Variants in DLEC1 observed in about 807,000 individuals in gnomAD.
DLEC1 encodes the protein deleted in lung and esophageal cancer protein 1.
A neutral mutation model predicts 198.1 loss-of-function variants in DLEC1; 146 were observed. That is an observed-to-expected ratio of 0.74 (90% CI 0.64 to 0.85). The LOEUF (loss-of-function observed/expected upper bound fraction) is 0.85, where lower values mean the gene tolerates loss of function less well. Among genes scored for constraint, DLEC1 ranks in the 40% least tolerant of loss-of-function variants. The pLI is 0.00. For synonymous variants in DLEC1, 897 were observed against 866.8 expected (o/e 1.03, Z -0.61); for missense variants, 2,233 against 2,220.0 (o/e 1.01, Z -0.12).
At chr3:38,068,031 G>A (rs142214440) in intron 6 of DLEC1, among the ~76,000 whole-genome samples, 39 of 152,298 alleles carry the variant, frequency 2.6e-4, no homozygotes, top group African/African-American at 9.1e-4. Flanking sequence ...TGGGATTACA[G>A]GCGTGAGCCA....
intron 12 of DLEC1, 59 bp from the exon 13 acceptor site, chr3:38,094,820 G>GT: frequency 6.3e-7 from 1 of 1,580,250 alleles, no homozygotes; most frequent in Non-Finnish European, 8.6e-7. Flanking sequence ...GAGGCATGGG[G>GT]TGGAGGGACC....
chr3:38,120,327 G>A (rs1274445873), intron 33 of DLEC1, 121 bp from the exon 34 acceptor site: 1 of 1,104,824 alleles, frequency 9.1e-7, no homozygotes, highest in Non-Finnish European at 1.4e-6. Context: ...AGGTTGGGGA[G>A]CTGCTGGGCT....
chr3:38,069,258 C>G (rs376260170), intron 6 of DLEC1, among the ~76,000 whole-genome samples: 4 of 152,198 alleles, frequency 2.6e-5, no homozygotes, highest in African/African-American at 9.6e-5. Context: ...AAACTTTCCA[C>G]AAAAAGAAAC....
chr3:38,084,586 G>A (rs1030608195), intron 7 of DLEC1, among the ~76,000 whole-genome samples: 1 of 4,576 alleles, frequency 2.2e-4, no homozygotes, highest in African/African-American at 1.4e-3. Flanking sequence ...GTGGGGGGGT[G>A]GTAGTAGTAG....
intron 34 of DLEC1, among the ~76,000 whole-genome samples, chr3:38,121,317 TG>T (rs1700447372): frequency 1.3e-5 from 2 of 152,156 alleles, no homozygotes; most frequent in Non-Finnish European, 2.9e-5. Context: ...GGCTGGGCCT[TG>T]GGGGCCACCA....
intron 10 of DLEC1, among the ~76,000 whole-genome samples, chr3:38,089,374 T>A (rs144678673): frequency 3.2e-4 from 49 of 152,350 alleles, no homozygotes; most frequent in African/African-American, 1.1e-3. Context: ...CCACAGCGAC[T>A]CTGCCATGCT....
chr3:38,101,443 T>A (rs1272113997), intron 19 of DLEC1, among the ~76,000 whole-genome samples: 1 of 152,154 alleles, frequency 6.6e-6, no homozygotes, highest in Non-Finnish European at 1.5e-5. Context: ...TGGCTGGTGA[T>A]AATATTTTGT....
In DLEC1 at chr3:38,059,811, A is replaced by T. The variant is rs756845387; in HGVS notation, c.632A>T (p.Asp211Val). The part of the protein sequence containing the change: ...LRKHHLISPE[D>V]YYTDTVPFHS... ...AAACATCATTTGATCTCCCCAGAAGATTACTACACCGATACAGTGCCGTTT... is the reference window on the plus strand; with the variant it reads ...AAACATCATTTGATCTCCCCAGAAGTTTACTACACCGATACAGTGCCGTTT... The change falls in exon 3 of 37, where the codon GAT becomes GTT. Residue 211 changes from aspartate (D) to valine (V), a missense_variant. Coordinates refer to ENST00000308059, the MANE Select transcript of DLEC1 (RefSeq NM_007335.4). 1.2e-6 allele frequency: 2 copies of T among 1,614,150 alleles called. No homozygotes were observed. The highest frequency in any genetic ancestry group is 1.7e-6 in the Non-Finnish European group (2 of 1,180,026).
chr3:38,048,124 A>G (rs992142515), intron 2 of DLEC1, among the ~76,000 whole-genome samples: 23 of 152,138 alleles, frequency 1.5e-4, no homozygotes, highest in African/African-American at 5.6e-4. Context: ...TTTCCAGTTG[A>G]CTGCTGATTC....
chr3:38,117,640 C>A, intron 32 of DLEC1, 29 bp downstream of exon 32: 4 of 1,613,770 alleles, frequency 2.5e-6, no homozygotes, highest in Non-Finnish European at 3.4e-6. Context: ...TCTGGCCCTG[C>A]CAGCTTACCT....
Position 38,112,053 on chromosome 3 carries a change from T to C in DLEC1, c.3515-157T>C, listed in dbSNP as rs1200705391. ...CGCAGGACCCTGAGTAGCTTGCCTC[T>C]GGATTCCAGGCTCCCAGGAGGAGGG... On this transcript the variant is annotated intron_variant, in intron 24 of 36. Transcript: ENST00000308059. The surrounding 1 kb of genome is among the most constrained non-coding windows in gnomAD (Gnocchi z 4.8). 6.6e-6 allele frequency among the ~76,000 whole-genome samples: 1 copy of C among 152,138 alleles called. No individual in the cohort carries two copies. Among genetic ancestry groups the C allele is most frequent in the Non-Finnish European group, 1.5e-5 (1 of 68,008 alleles).
In DLEC1 at chr3:38,122,289, G is replaced by A. The variant is rs769367612; in HGVS notation, c.5145G>A (p.Arg1715=). The change falls in exon 37 of 37, where the codon AGG becomes AGA. Residue 1715 remains arginine (R), a splice_region_variant and synonymous_variant. Transcript: ENST00000308059. ...SIALQVFFTA[R]SSELYESTMV... The stretch of plus-strand genomic sequence containing the variant: ...CTCAGCCCCCACATGCTCCCCACAG[G>A]AGTAGTGAGCTGTACGAGTCCACGA... 1.9e-6 allele frequency: 3 copies of A among 1,611,594 alleles called. No homozygotes were observed. The highest frequency in any genetic ancestry group is 4.5e-5 in the East Asian group (2 of 44,826).
In DLEC1 at chr3:38,120,466, C is replaced by G; in HGVS notation, c.4723C>G (p.Leu1575Val). 1 of 1,614,206 alleles carries G rather than the reference C, an allele frequency of 6.2e-7. No individual in the cohort carries two copies. Among genetic ancestry groups the G allele is most frequent in the Non-Finnish European group, 8.5e-7 (1 of 1,180,022 alleles). ...ENMLVNVSFS[L>V]SLELLSYQKL... ...TGCTCAGGTGAACGTGTCCTTCTCACTCTCCCTGGAGCTGCTCTCCTATCA... is the reference window on the plus strand; with the variant it reads ...TGCTCAGGTGAACGTGTCCTTCTCAGTCTCCCTGGAGCTGCTCTCCTATCA... Residue 1575 changes from leucine (L) to valine (V), a missense_variant, in exon 34 of 37, where the codon CTC becomes GTC. Leu to Val is a conservative substitution (Grantham distance 32, BLOSUM62 1). Transcript: ENST00000308059.
chr3:38,092,737 G>A (rs1698804562), intron 10 of DLEC1, 53 bp from the exon 11 acceptor site: 1 of 1,517,384 alleles, frequency 6.6e-7, no homozygotes, highest in Non-Finnish European at 9.2e-7. Flanking sequence ...GGGAGGCGGG[G>A]AGGGTGGAAG....
Position 38,114,451 on chromosome 3 carries a change from C to A in DLEC1, c.3776C>A (p.Pro1259Gln). ...SYTIDQAQKE[P>Q]AMRFGTQVSG... ...ACTATTGACCAGGCCCAGAAGGAAC[C>A]AGCCATGAGGTGCTCCATGCTCAGC... is the stretch of plus-strand genomic sequence containing the variant. Residue 1259 changes from proline to glutamine, a missense_variant, in exon 26 of 37, where the codon CCA becomes CAA. Physicochemically the swap from Pro to Gln is moderately conservative, Grantham distance 76 (BLOSUM62 -1). Coordinates refer to ENST00000308059, the MANE Select transcript of DLEC1 (RefSeq NM_007335.4). 1 of 1,614,122 alleles carries A rather than the reference C, an allele frequency of 6.2e-7. No homozygotes were observed. The highest frequency in any genetic ancestry group is 8.5e-7 in the Non-Finnish European group (1 of 1,179,954).
At chr3:38,059,693 A>T (rs760910598) in intron 2 of DLEC1, 49 bp from the exon 3 acceptor site, 2 of 1,534,924 alleles carry the variant, frequency 1.3e-6, no homozygotes, top group Non-Finnish European at 1.8e-6. Context: ...GGGTTCTTCA[A>T]AGTCAGTCTG....
At chr3:38,078,188 T>C (rs1490399631) in intron 6 of DLEC1, among the ~76,000 whole-genome samples, 1 of 152,136 alleles carries the variant, frequency 6.6e-6, no homozygotes, top group Non-Finnish European at 1.5e-5. Flanking sequence ...CAATGGTAAC[T>C]GTGGGACTTA....
chr3:38,101,411 A>G (rs1048352246), intron 19 of DLEC1, among the ~76,000 whole-genome samples: 13 of 152,072 alleles, frequency 8.5e-5, no homozygotes, highest in African/African-American at 3.1e-4. Context: ...ATGAATATAT[A>G]TATATATTCA....
chr3:38,097,365 T>C (rs1298938302), intron 16 of DLEC1, 90 bp downstream of exon 16: 1 of 1,537,004 alleles, frequency 6.5e-7, no homozygotes, highest in Non-Finnish European at 8.8e-7. Flanking sequence ...TGCAGGGCTC[T>C]TGGTGTCCTG....
Sources: allele counts gnomAD v4.1 joint callset (sites outside exome capture counted in the v4.1 genomes callset), GRCh38; gene constraint gnomAD v4.1.1; non-coding constraint Gnocchi (gnomAD v3.1); transcripts MANE v1.5; gene names NCBI Gene and HGNC (gene_info 2026-07-23, HGNC 2026-07-21).